GADL1: variants seen among roughly 807,000 people sequenced by gnomAD.
The protein encoded by GADL1 is GAD like acidic amino acid decarboxylase 1, also known as acidic amino acid decarboxylase GADL1.
In GADL1, 71 loss-of-function variants were observed where a neutral mutation model predicts 69.5. The observed-to-expected ratio is 1.02, with a 90% CI of 0.84 to 1.25. The LOEUF is 1.25. Ranked by LOEUF, GADL1 falls within the 50% of genes most tolerant of loss-of-function variation. The pLI is 0.00. For missense variants in GADL1, 737 were observed against 631.8 expected (o/e 1.17, Z -1.79); for synonymous variants, 254 against 214.4 (o/e 1.18, Z -1.62).
At chr3:30,796,350 T>C (rs1232702508) in intron 12 of GADL1, among the ~76,000 whole-genome samples, 1 of 152,136 alleles carries the variant, frequency 6.6e-6, no homozygotes, top group Non-Finnish European at 1.5e-5. Flanking sequence ...CCACTTCTAA[T>C]AGAAGCACTT....
At chr3:30,772,016 G>C (rs751426518) in intron 14 of GADL1, among the ~76,000 whole-genome samples, 2 of 151,210 alleles carry the variant, frequency 1.3e-5, no homozygotes, top group Non-Finnish European at 3.0e-5. Context: ...TCTTCACTGT[G>C]AGGTTTCCAC....
chr3:30,801,180 C>A, intron 11 of GADL1, 92 bp from the exon 12 acceptor site: 1 of 892,622 alleles, frequency 1.1e-6, no homozygotes, highest in Non-Finnish European at 1.8e-6. Context: ...TGTGTATATT[C>A]TACCTGTGCC....
intron 11 of GADL1, among the ~76,000 whole-genome samples, chr3:30,825,053 TATGATTTTCAATCAGCATCATA>T (rs1697660188): frequency 6.6e-6 from 1 of 151,868 alleles, no homozygotes; most frequent in Non-Finnish European, 1.5e-5. Flanking sequence ...CCCTCTAAAT[TATGATTTTCAATCAGCATCATA>T]ATGACCTAAA....
chr3:30,801,863 C>A (rs1157358565), intron 11 of GADL1, among the ~76,000 whole-genome samples: 1 of 152,122 alleles, frequency 6.6e-6, no homozygotes, highest in African/African-American at 2.4e-5. Flanking sequence ...ACAGCCCTGA[C>A]AACTCCCCCA....
intron 14 of GADL1, among the ~76,000 whole-genome samples, chr3:30,756,912 A>G (rs926582183): frequency 1.3e-5 from 2 of 152,108 alleles, no homozygotes; most frequent in Non-Finnish European, 2.9e-5. Context: ...TTTATGTAGC[A>G]ATAACTCAGC....
At chr3:30,752,507 TGAG>T (rs1010147552) in intron 14 of GADL1, among the ~76,000 whole-genome samples, 153 of 152,322 alleles carry the variant, frequency 1.0e-3, no homozygotes, top group African/African-American at 3.3e-3. Context: ...GCCCTGGCGA[TGAG>T]GATGCTGTGG....
At chr3:30,729,352 G>GC (rs1695420417) in intron 14 of GADL1, among the ~76,000 whole-genome samples, 1 of 152,100 alleles carries the variant, frequency 6.6e-6, no homozygotes, top group African/African-American at 2.4e-5. Flanking sequence ...TACAAGCAAA[G>GC]TTTTTCCACT....
At chr3:30,771,040 C>T (rs998865907) in intron 14 of GADL1, among the ~76,000 whole-genome samples, 1 of 152,214 alleles carries the variant, frequency 6.6e-6, no homozygotes, top group East Asian at 1.9e-4. Flanking sequence ...TCATGAACTT[C>T]CCGTTAAACA....
intron 9 of GADL1, among the ~76,000 whole-genome samples, 158 bp downstream of exon 9, chr3:30,838,839 A>G (rs1697916623): frequency 6.6e-6 from 1 of 152,192 alleles, no homozygotes; most frequent in Admixed American, 6.6e-5. Flanking sequence ...CTTCTCATTT[A>G]TACTTTACAA....
intron 11 of GADL1, among the ~76,000 whole-genome samples, 191 bp from the exon 12 acceptor site, chr3:30,801,279 C>T (rs981874570): frequency 6.6e-6 from 1 of 152,070 alleles, no homozygotes; most frequent in Non-Finnish European, 1.5e-5. Flanking sequence ...TGTTACCAAA[C>T]AAAACTTCAG....
chr3:30,871,042 A>AGTGTGTGTGTGTGTGTGTGTGTGTGTGT (rs4016178), intron 1 of GADL1, among the ~76,000 whole-genome samples: 1 of 141,378 alleles, frequency 7.1e-6, no homozygotes. Flanking sequence ...AAGGCAGAAA[A>AGTGTGTGTGTGTGTGTGTGTGTGTGTGT]GTGTGTGTGT....
intron 14 of GADL1, among the ~76,000 whole-genome samples, chr3:30,749,555 A>G (rs959087406): frequency 6.6e-6 from 1 of 152,266 alleles, no homozygotes; most frequent in Non-Finnish European, 1.5e-5. Context: ...ACTTTAGACT[A>G]ATGGGACCTA....
At chr3:30,746,000 T>C (rs1027355046) in intron 14 of GADL1, among the ~76,000 whole-genome samples, 1 of 150,162 alleles carries the variant, frequency 6.7e-6, no homozygotes, top group Non-Finnish European at 1.5e-5. Flanking sequence ...CTTCTTCTTT[T>C]TTCCTTTTAT....
intron 1 of GADL1, among the ~76,000 whole-genome samples, chr3:30,870,671 G>A (rs183843978): frequency 6.6e-6 from 1 of 151,766 alleles, no homozygotes; most frequent in African/African-American, 2.4e-5. Context: ...TAGAAGTCCA[G>A]GCAGTAGACA....
At chr3:30,838,291 A>C (rs1697905827) in intron 9 of GADL1, among the ~76,000 whole-genome samples, 1 of 152,154 alleles carries the variant, frequency 6.6e-6, no homozygotes, top group South Asian at 2.1e-4. Context: ...ACAAGTGTTC[A>C]TAGTTGGCTG....
chr3:30,759,197 A>G (rs1212655777), intron 14 of GADL1, among the ~76,000 whole-genome samples: 3 of 152,212 alleles, frequency 2.0e-5, no homozygotes, highest in Non-Finnish European at 4.4e-5. Flanking sequence ...TGGGCAGCCC[A>G]GTTCTAGGGT....
intron 1 of GADL1, among the ~76,000 whole-genome samples, chr3:30,890,789 A>C (rs1339692815): frequency 6.6e-6 from 1 of 152,218 alleles, no homozygotes; most frequent in Non-Finnish European, 1.5e-5. Context: ...GTAAAATCAC[A>C]TGGTGCTTAA....
intron 12 of GADL1, among the ~76,000 whole-genome samples, chr3:30,793,364 GC>G (rs1211391033): frequency 6.8e-6 from 1 of 146,986 alleles, no homozygotes; most frequent in Non-Finnish European, 1.5e-5. Flanking sequence ...TATGAAAACA[GC>G]CTAAAGACAA....
intron 14 of GADL1, among the ~76,000 whole-genome samples, chr3:30,738,803 C>G (rs1004689056): frequency 1.3e-5 from 2 of 152,162 alleles, no homozygotes; most frequent in African/African-American, 4.8e-5. Context: ...ATGTCACATT[C>G]ACACCTTACC....
Sources: gnomAD v4.1 joint callset for allele counts (sites outside exome capture counted in the v4.1 genomes callset) on GRCh38, gnomAD v4.1.1 for gene constraint, MANE v1.5 for transcripts, NCBI Gene and HGNC (gene_info 2026-07-23, HGNC 2026-07-21) for gene names.